ASIC2: variants seen among roughly 807,000 people sequenced by gnomAD.
ASIC2 encodes the protein acid sensing ion channel subunit 2, also known as acid-sensing ion channel 2.
In ASIC2, 25 loss-of-function variants were observed where a neutral mutation model predicts 57.3. The ratio of observed to expected loss-of-function variants is 0.44; its 90% CI spans 0.32 to 0.61. The LOEUF (loss-of-function observed/expected upper bound fraction) is 0.61. Ranked by LOEUF, ASIC2 falls within the 20% of genes least tolerant of loss-of-function variation. The pLI, the probability that ASIC2 is intolerant of heterozygous loss-of-function variation, is 0.06. For synonymous variants in ASIC2, 319 were observed against 307.5 expected (o/e 1.04, Z -0.39); for missense variants, 641 against 738.1 (o/e 0.87, Z 1.52).
At chr17:33,187,154 A>C (rs1906229673) in intron 1 of ASIC2, among the ~76,000 whole-genome samples, 1 of 152,230 alleles carries the variant, frequency 6.6e-6, no homozygotes, top group Non-Finnish European at 1.5e-5. Context: ...TATGAGATGC[A>C]GCAAAAACTG....
At chr17:34,004,550 C>T (rs1906461724) in intron 1 of ASIC2, 2 of 152,204 alleles carry the variant, frequency 1.3e-5, no homozygotes, top group Admixed American at 6.5e-5. Context: ...TAGACATGAG[C>T]TATATTCAGA....
At chr17:33,708,366 G>C (rs1411282644) in intron 1 of ASIC2, among the ~76,000 whole-genome samples, 1 of 151,990 alleles carries the variant, frequency 6.6e-6, no homozygotes, top group Non-Finnish European at 1.5e-5. Flanking sequence ...AACATCCAAA[G>C]TTATCTTGAT....
chr17:33,778,508 A>G (rs1911351778), intron 1 of ASIC2, among the ~76,000 whole-genome samples: 1 of 152,092 alleles, frequency 6.6e-6, no homozygotes, highest in South Asian at 2.1e-4. Context: ...GCCCAGAAAG[A>G]CTGTTTCTGA....
intron 1 of ASIC2, among the ~76,000 whole-genome samples, chr17:33,324,248 G>A (rs1178090632): frequency 1.3e-5 from 2 of 152,102 alleles, no homozygotes; most frequent in African/African-American, 4.8e-5. Flanking sequence ...CCTTTGCAGT[G>A]GATGTTACTA....
At chr17:33,959,891 C>T (rs976948967) in intron 1 of ASIC2, among the ~76,000 whole-genome samples, 7 of 152,344 alleles carry the variant, frequency 4.6e-5, no homozygotes, top group Admixed American at 3.9e-4. Flanking sequence ...GCTGTTCTTG[C>T]ATATGGTGTT....
At chr17:33,247,830 G>A (rs559423312) in intron 1 of ASIC2, among the ~76,000 whole-genome samples, 3 of 152,350 alleles carry the variant, frequency 2.0e-5, no homozygotes, top group African/African-American at 7.2e-5. Flanking sequence ...CTCTGTGCCA[G>A]GTGCTGCTTT....
intron 3 of ASIC2, chr17:33,052,410 C>T (rs915600071): frequency 6.6e-6 from 1 of 152,224 alleles, no homozygotes; most frequent in African/African-American, 2.4e-5. Flanking sequence ...TGTCATTCTC[C>T]CCGTCCTTTC....
chr17:33,783,043 A>G (rs1232442192), intron 1 of ASIC2, among the ~76,000 whole-genome samples: 2 of 152,084 alleles, frequency 1.3e-5, no homozygotes, highest in African/African-American at 4.8e-5. Flanking sequence ...CCAAGAGCAA[A>G]TGTCCCCTCA....
chr17:33,862,044 A>C (rs1407866371), intron 1 of ASIC2, among the ~76,000 whole-genome samples: 8 of 152,146 alleles, frequency 5.3e-5, no homozygotes. Context: ...TCTCTGAACA[A>C]ACTTCACAGG....
At chr17:34,067,999 T>C (rs1909235834) in intron 1 of ASIC2, among the ~76,000 whole-genome samples, 1 of 152,216 alleles carries the variant, frequency 6.6e-6, no homozygotes, top group South Asian at 2.1e-4. Flanking sequence ...ATCTCTATTA[T>C]TTAATTTCTT....
intron 1 of ASIC2, among the ~76,000 whole-genome samples, chr17:33,560,718 T>C (rs1272755797): frequency 6.6e-6 from 1 of 152,190 alleles, no homozygotes; most frequent in East Asian, 1.9e-4. Context: ...AATTCACATT[T>C]ATTGGGTATC....
rs1401536592 is a variant in ASIC2 at position 33,218,181 on chromosome 17, G to A, written c.708+73227C>T. On this transcript the variant is annotated intron_variant, in intron 1 of 9. Transcript: ENST00000225823. ...GAACTGTGGGCTGTGTTCTCAGTCTGCCCCTCTGCAGTGCAACGGCTGCCT... is the reference window on the plus strand; with the variant it reads ...GAACTGTGGGCTGTGTTCTCAGTCTACCCCTCTGCAGTGCAACGGCTGCCT... Among the ~76,000 whole-genome samples the A allele has an allele frequency of 2.6e-5, 4 of 152,332 alleles. No homozygotes were observed. In the South Asian group the frequency reaches 6.2e-4, roughly 24 times the overall value.
chr17:33,682,829 G>A (rs868828951), intron 1 of ASIC2, among the ~76,000 whole-genome samples: 1 of 152,170 alleles, frequency 6.6e-6, no homozygotes, highest in Non-Finnish European at 1.5e-5. Flanking sequence ...GGAGAATGGT[G>A]CTTCCCAGTA....
chr17:33,647,971 C>T (rs1906798979), intron 1 of ASIC2, among the ~76,000 whole-genome samples: 1 of 152,212 alleles, frequency 6.6e-6, no homozygotes, highest in African/African-American at 2.4e-5. Context: ...CACCCCCATA[C>T]CTGTCACCAG....
chr17:33,306,742 A>C (rs1906193199), intron 1 of ASIC2, among the ~76,000 whole-genome samples: 1 of 152,068 alleles, frequency 6.6e-6, no homozygotes, highest in Non-Finnish European at 1.5e-5. Context: ...TCTCCAATCC[A>C]TTCCCCACTC....
chr17:33,418,921 G>A (rs188344878), intron 1 of ASIC2, among the ~76,000 whole-genome samples: 1 of 151,370 alleles, frequency 6.6e-6, no homozygotes, highest in Non-Finnish European at 1.5e-5. Flanking sequence ...ACGGACACGG[G>A]GGAGGGGAAC....
At chr17:33,311,899 C>T (rs774683447) in intron 1 of ASIC2, among the ~76,000 whole-genome samples, 18 of 152,140 alleles carry the variant, frequency 1.2e-4, no homozygotes, top group African/African-American at 4.1e-4. Flanking sequence ...AATGGCTCCA[C>T]CATCAGCAAA....
At chr17:33,755,539 T>G (rs561837252) in intron 1 of ASIC2, among the ~76,000 whole-genome samples, 7 of 152,348 alleles carry the variant, frequency 4.6e-5, no homozygotes, top group Non-Finnish European at 8.8e-5. Flanking sequence ...CTCTTAGAGA[T>G]GAATGATACA....
chr17:33,723,987 G>T (rs1271110473), intron 1 of ASIC2, among the ~76,000 whole-genome samples: 1 of 152,160 alleles, frequency 6.6e-6, no homozygotes, highest in Non-Finnish European at 1.5e-5. Flanking sequence ...CACCCAAATT[G>T]CATCTTGAAT....
Sources: gnomAD v4.1 joint callset for allele counts (sites outside exome capture counted in the v4.1 genomes callset) on GRCh38, gnomAD v4.1.1 for gene constraint, MANE v1.5 for transcripts, NCBI Gene and HGNC (gene_info 2026-07-23, HGNC 2026-07-21) for gene names.